The following TIPARP variants were observed in gnomAD, a reference collection of about 807,000 sequenced individuals.
The protein encoded by TIPARP is TCDD inducible poly(ADP-ribose) polymerase.
In TIPARP, 12 loss-of-function variants were observed where a neutral mutation model predicts 56.5. The observed-to-expected ratio is 0.21, with a 90% CI of 0.14 to 0.34. The LOEUF (loss-of-function observed/expected upper bound fraction) is 0.34. Among genes scored for constraint, TIPARP ranks in the 10% least tolerant of loss-of-function variants. The pLI, the probability that TIPARP is intolerant of heterozygous loss-of-function variation, is 1.00. For missense variants in TIPARP, 604 were observed against 781.6 expected, an observed-to-expected ratio of 0.77 and a Z score of 2.71; for synonymous variants, 296 against 265.7, an observed-to-expected ratio of 1.11 and a Z score of -1.11.
At chr3:156,701,285 A>T (rs1722838351) in intron 4 of TIPARP, among the ~76,000 whole-genome samples, 4 of 152,248 alleles carry the variant, frequency 2.6e-5, no homozygotes, top group Admixed American at 2.6e-4. Context: ...TTTGCATTTT[A>T]TGGAACGGGT....
In TIPARP at chr3:156,678,073, C is replaced by T. The variant is rs757036019; in HGVS notation, c.376C>T (p.Pro126Ser). Residue 126 changes from proline to serine, a missense_variant, in exon 2 of 6, where the codon CCT (proline) becomes TCT (serine). Pro to Ser is a moderately conservative substitution (Grantham distance 74). Transcript: ENST00000295924. ...NVGDQIPEAH[P>S]STEAPERVVP... ...TGGGGACCAGATACCGGAAGCCCAT[C>T]CTTCCACTGAAGCTCCAGAACGAGT... is the stretch of plus-strand genomic sequence containing the variant. 85 of 1,614,008 alleles carry T rather than the reference C, an allele frequency of 5.3e-5. No homozygotes were observed. Among genetic ancestry groups the T allele is most frequent in the Non-Finnish European group, 6.9e-5 (82 of 1,180,042 alleles).
At chr3:156,691,342 A>G (rs1412886684) in intron 2 of TIPARP, among the ~76,000 whole-genome samples, 1 of 152,062 alleles carries the variant, frequency 6.6e-6, no homozygotes, top group Non-Finnish European at 1.5e-5. Context: ...CTCCTCTCCC[A>G]TATTGCTGCA....
chr3:156,694,883 G>A (rs984668014), intron 3 of TIPARP, among the ~76,000 whole-genome samples: 1 of 152,078 alleles, frequency 6.6e-6, no homozygotes, highest in Non-Finnish European at 1.5e-5. Context: ...ATTACAAAAG[G>A]GGGGAACAAC....
chr3:156,678,267 A>G lies in TIPARP; in HGVS notation c.570A>G (p.Gln190=), dbSNP rs200785041. 52 of 1,614,082 alleles carry G rather than the reference A, an allele frequency of 3.2e-5. 1 individual carries two copies. Among genetic ancestry groups the G allele is most frequent in the South Asian group, 5.5e-5 (5 of 91,088 alleles). Reference sequence around the variant, plus strand: ...TAGATTATGTTCCAGGCATTTTCCAAGAAAACAGTTTTACAATCCAATACA... The same window carrying G: ...TAGATTATGTTCCAGGCATTTTCCAGGAAAACAGTTTTACAATCCAATACA... The part of the protein sequence containing the change: ...KVIDYVPGIF[Q]ENSFTIQYIL... The change falls in exon 2 of 6, where the codon CAA becomes CAG. Residue 190 remains glutamine (Q), a synonymous_variant. Coordinates refer to ENST00000295924, the MANE Select transcript of TIPARP (RefSeq NM_015508.5).
chr3:156,685,880 A>C (rs138448560), intron 2 of TIPARP, among the ~76,000 whole-genome samples: 291 of 152,340 alleles, frequency 1.9e-3, no homozygotes, highest in African/African-American at 6.7e-3. Context: ...GCACCCTGTG[A>C]TCTTCACAGT....
chr3:156,691,142 C>T (rs577833755), intron 2 of TIPARP, among the ~76,000 whole-genome samples: 17 of 152,238 alleles, frequency 1.1e-4, no homozygotes, highest in Middle Eastern at 3.4e-3. Context: ...TGTCTCCACC[C>T]GTCTTTCAAG....
chr3:156,681,009 ATGT>A (rs760373930), intron 2 of TIPARP, among the ~76,000 whole-genome samples: 31 of 152,352 alleles, frequency 2.0e-4, no homozygotes, highest in Non-Finnish European at 3.8e-4. Flanking sequence ...ACAGGAAGAA[ATGT>A]TGTAATATAG....
In TIPARP at chr3:156,693,918, C is replaced by G. The variant is rs1481411291; in HGVS notation, c.918-102C>G. The G allele has an allele frequency of 2.4e-6, 3 of 1,273,270 alleles. No homozygotes were observed. In the African/African-American group the frequency reaches 4.6e-5, roughly 20 times the overall value. 78.9% of individuals were successfully genotyped at this position (1,273,270 alleles called of 1,614,324 possible). On this transcript the variant is annotated intron_variant, in intron 2 of 5. Coordinates refer to ENST00000295924, the MANE Select transcript of TIPARP (RefSeq NM_015508.5). ...CAAGTTTTGAAAATTCTACAACAGGCTATGCTATGTATTTTTAATGTCCAA... is the reference window on the plus strand; with the variant it reads ...CAAGTTTTGAAAATTCTACAACAGGGTATGCTATGTATTTTTAATGTCCAA...
At chr3:156,686,113 ATG>A (rs1313380370) in intron 2 of TIPARP, among the ~76,000 whole-genome samples, 1 of 152,222 alleles carries the variant, frequency 6.6e-6, no homozygotes, top group Non-Finnish European at 1.5e-5. Flanking sequence ...TGTGCAGAGT[ATG>A]TGAAACAGAG....
chr3:156,681,273 C>T (rs958344078), intron 2 of TIPARP: 15 of 446,800 alleles, frequency 3.4e-5, no homozygotes, highest in African/African-American at 8.1e-5. Context: ...GTGCAGATTG[C>T]GCATAACCAG....
At position 156,694,108 on chromosome 3, in the gene TIPARP, T is replaced by G. The variant is rs1467830652; in HGVS notation, c.1006T>G (p.Ser336Ala). The change falls in exon 3 of 6, where the codon TCT (serine) becomes GCT (alanine). Residue 336 changes from serine to alanine, a missense_variant. By Grantham distance (99) the Ser-to-Ala change is moderately conservative (BLOSUM62 1). Coordinates refer to ENST00000295924, the MANE Select transcript of TIPARP (RefSeq NM_015508.5). ...DQLRRLSTPP[S>A]SNVNSIYHTV... ...ACTACGAAGGCTGTCCACACCACCC[T>G]CTAGCAATGTCAACTCTATTTACCA... 5 of 1,613,528 alleles carry G rather than the reference T, an allele frequency of 3.1e-6. No homozygotes were observed. In the Admixed American group the frequency reaches 5.0e-5, roughly 16 times the overall value.
At chr3:156,688,485 C>G (rs1199696075) in intron 2 of TIPARP, among the ~76,000 whole-genome samples, 1 of 148,396 alleles carries the variant, frequency 6.7e-6, no homozygotes, top group African/African-American at 2.5e-5. Flanking sequence ...TATTGCCGCC[C>G]CCCCCCGCAA....
At chr3:156,678,695 T>G (rs1173502833) in intron 2 of TIPARP, 81 bp downstream of exon 2, 1 of 1,269,254 alleles carries the variant, frequency 7.9e-7, no homozygotes, top group Admixed American at 2.4e-5. Context: ...GTAGGGTGGT[T>G]TCTTTCAGTA....
In TIPARP at chr3:156,677,752, C is replaced by G; in HGVS notation, c.55C>G (p.Pro19Ala). Residue 19 changes from proline to alanine, a missense_variant, in exon 2 of 6, where the codon CCT (proline) becomes GCT (alanine). Physicochemically the swap from Pro to Ala is conservative, Grantham distance 27. Around this residue, in one of 4 missense-constraint regions of TIPARP, gnomAD observed 261 missense variants for 279.2 expected, o/e 0.93. Coordinates refer to ENST00000295924, the MANE Select transcript of TIPARP (RefSeq NM_015508.5). Reference protein sequence around the residue: ...EPDCVVQPPSPPDDFSCQMRL... With the variant: ...EPDCVVQPPSAPDDFSCQMRL... ...AGACTGTGTAGTGCAGCCTCCCTCTCCTCCTGATGACTTTTCATGCCAAAT... is the reference window on the plus strand; with the variant it reads ...AGACTGTGTAGTGCAGCCTCCCTCTGCTCCTGATGACTTTTCATGCCAAAT... The G allele has an allele frequency of 1.2e-6, 2 of 1,613,746 alleles. No homozygotes were observed. Among genetic ancestry groups the G allele is most frequent in the Non-Finnish European group, 1.7e-6 (2 of 1,179,904 alleles).
rs902533137 is a variant in TIPARP at position 156,689,702 on chromosome 3, A to G, written c.918-4318A>G. Among the ~76,000 whole-genome samples, 6 of 152,366 alleles carry G rather than the reference A, an allele frequency of 3.9e-5. No homozygotes were observed. The South Asian group carries it at 1.0e-3, about 26-fold the overall frequency. ...GTTTTATCCCTTATCTCTCATAGAT[A>G]CATATACCCTAACCTCCCACATGAA... On this transcript the variant is annotated intron_variant, in intron 2 of 5. Coordinates refer to ENST00000295924, the MANE Select transcript of TIPARP (RefSeq NM_015508.5).
intron 1 of TIPARP, 119 bp from the exon 2 acceptor site, chr3:156,677,538 T>C: frequency 4.6e-6 from 3 of 651,892 alleles, no homozygotes; most frequent in South Asian, 3.2e-5. Context: ...AAACTAAATA[T>C]AGTATAAGAG....
At chr3:156,681,059 G>T (rs1722290001) in intron 2 of TIPARP, 1 of 440,086 alleles carries the variant, frequency 2.3e-6, no homozygotes, top group Non-Finnish European at 4.6e-6. Context: ...CTTTTGGGAA[G>T]TTGACTTGTG....
intron 2 of TIPARP, among the ~76,000 whole-genome samples, chr3:156,690,429 C>A (rs1273620634): frequency 1.3e-5 from 2 of 152,062 alleles, no homozygotes; most frequent in Admixed American, 6.6e-5. Context: ...AAAATGTTGG[C>A]TTAATTGGTA....
rs1722904289 is a variant in TIPARP, at chr3:156,703,580, T to G, written c.1404T>G (p.Ser468=). 1.2e-6 allele frequency: 2 copies of G among 1,614,256 alleles called. No homozygotes were observed. The highest frequency in any genetic ancestry group is 1.6e-4 in the Middle Eastern group (1 of 6,062). The change falls in exon 5 of 6, where the codon TCT becomes TCG. Residue 468 remains serine, a synonymous_variant. Transcript: ENST00000295924. The part of the protein sequence containing the change: ...PSQDFIQVPV[S]AEDKSYRIIY... ...AGGACTTCATCCAAGTCCCTGTTTC[T>G]GCAGAGGATAAAAGTTATCGGATCA...
Sources: gnomAD v4.1 joint callset for allele counts (sites outside exome capture counted in the v4.1 genomes callset) on GRCh38, gnomAD v4.1.1 for gene constraint, gnomAD v4.1.1 regional missense constraint, MANE v1.5 for transcripts, NCBI Gene and HGNC (gene_info 2026-07-23, HGNC 2026-07-21) for gene names.